PPP1R16A: variants seen among roughly 807,000 people sequenced by gnomAD.
PPP1R16A encodes the protein protein phosphatase 1 regulatory subunit 16A, also known as myosin phosphatase-targeting subunit 3.
Under a neutral mutation model 46.6 loss-of-function variants are expected in PPP1R16A, and 39 were observed. The observed-to-expected ratio is 0.84, with a 90% CI of 0.65 to 1.09. PPP1R16A has a LOEUF of 1.09. Ranked by LOEUF, PPP1R16A falls within the 50% of genes least tolerant of loss-of-function variation. PPP1R16A has a pLI of 0.00. For synonymous variants in PPP1R16A, 413 were observed against 321.5 expected (o/e 1.28, Z -3.04); for missense variants, 798 against 735.6 (o/e 1.08, Z -0.98).
intron 1 of PPP1R16A, 70 bp downstream of exon 1, chr8:144,478,197 A>C (rs1423593550): frequency 1.8e-5 from 7 of 390,438 alleles, no homozygotes; most frequent in African/African-American, 4.2e-5. Flanking sequence ...CAGGGAGAGC[A>C]GTGGCGGGCC....
At chr8:144,487,420 G>A (rs752353777) in intron 1 of PPP1R16A, among the ~76,000 whole-genome samples, 18 of 151,978 alleles carry the variant, frequency 1.2e-4, no homozygotes, top group Non-Finnish European at 1.0e-4. Flanking sequence ...CCCCCAGGCT[G>A]GAGTGCAGTG....
In PPP1R16A at chr8:144,501,546, G is replaced by T; in HGVS notation, c.1230G>T (p.Pro410=). The T allele has an allele frequency of 1.9e-6, 3 of 1,581,478 alleles. No homozygotes were observed. The highest frequency in any genetic ancestry group is 2.6e-6 in the Non-Finnish European group (3 of 1,164,238). Residue 410 remains proline, a synonymous_variant, in exon 12 of 12, where the codon CCG becomes CCT. Transcript: ENST00000435887. The part of the protein sequence containing the change: ...PEEDNPEVVR[P]HNGRVGGSPV... ...AGGACAACCCCGAAGTGGTCAGGCCGCACAATGGCCGAGTAGGGGGCTCCC... is the reference window on the plus strand; with the variant it reads ...AGGACAACCCCGAAGTGGTCAGGCCTCACAATGGCCGAGTAGGGGGCTCCC...
chr8:144,495,077 C>T (rs1025651972), intron 2 of PPP1R16A, among the ~76,000 whole-genome samples: 26 of 152,224 alleles, frequency 1.7e-4, no homozygotes, highest in African/African-American at 4.8e-4. Context: ...CCTGGAAAAG[C>T]TCTTTACTTG....
Position 144,502,004 on chromosome 8 carries a change from G to A in PPP1R16A, c.*101G>A. 4.0e-6 allele frequency: 5 copies of A among 1,240,732 alleles called. No homozygotes were observed. Among genetic ancestry groups the A allele is most frequent in the Non-Finnish European group, 5.4e-6 (5 of 921,810 alleles). 76.9% of individuals were successfully genotyped at this position (1,240,732 alleles called of 1,614,324 possible). A position where few individuals can be genotyped will look rare whatever the true frequency, so the allele number is the denominator to read the frequency against. On this transcript the variant is annotated 3_prime_UTR_variant, in exon 12 of 12. Transcript: ENST00000435887. ...CTGCGGGTGCAGCACGGAAACCCCGGCTTCTACTGTACAGGACACTGGCCC... is the reference window on the plus strand; with the variant it reads ...CTGCGGGTGCAGCACGGAAACCCCGACTTCTACTGTACAGGACACTGGCCC...
chr8:144,482,862 G>C lies in PPP1R16A; in HGVS notation c.-914+4735G>C, dbSNP rs560416330. ...CGGGTTTCACCATGTTGGCCAGGAT[G>C]GTCTTGAGCTCCTGACCTCATGGTC... On this transcript the variant is annotated intron_variant, in intron 1 of 11. Coordinates refer to ENST00000435887, the MANE Select transcript of PPP1R16A (RefSeq NM_001329443.2). Among the ~76,000 whole-genome samples the C allele has an allele frequency of 4.2e-4, 64 of 152,142 alleles. No individual in the cohort carries two copies. The South Asian group carries it at 5.8e-3, about 14-fold the overall frequency.
Position 144,502,063 on chromosome 8 carries a change from C to T in PPP1R16A, c.*160C>T. 4.5e-6 allele frequency: 3 copies of T among 673,272 alleles called. No homozygotes were observed. The highest frequency in any genetic ancestry group is 4.7e-6 in the Non-Finnish European group (2 of 427,146). The allele number at this position is 673,272 out of a possible 1,614,324, so 41.7% of individuals were successfully genotyped here. The stretch of plus-strand genomic sequence containing the variant: ...TCAGAAGACATGCCTGGAGGGATGT[C>T]TGGCTGCAAAGACTATTTTTATCCT... On this transcript the variant is annotated 3_prime_UTR_variant, in exon 12 of 12. Coordinates refer to ENST00000435887, the MANE Select transcript of PPP1R16A (RefSeq NM_001329443.2).
Position 144,500,506 on chromosome 8 carries a change from A to G in PPP1R16A, c.725A>G (p.Asn242Ser), listed in dbSNP as rs757062979. The change falls in exon 8 of 12, where the codon AAC becomes AGC. Residue 242 changes from asparagine (N) to serine (S), a missense_variant. Asn to Ser is a conservative substitution (Grantham distance 46). Coordinates refer to ENST00000435887, the MANE Select transcript of PPP1R16A (RefSeq NM_001329443.2). ...GATLLHVAAA[N>S]GFSEAAALLL... is the part of the protein sequence containing the mutation. ...CTGCAGCTGCACGTCGCAGCCGCCAACGGGTTCAGCGAGGCGGCTGCCCTG... is the reference window on the plus strand; with the variant it reads ...CTGCAGCTGCACGTCGCAGCCGCCAGCGGGTTCAGCGAGGCGGCTGCCCTG... 6 of 1,588,508 alleles carry G rather than the reference A, an allele frequency of 3.8e-6. 1 individual carries two copies. The South Asian group carries it at 5.6e-5, about 15-fold the overall frequency.
At position 144,500,312 on chromosome 8, in the gene PPP1R16A, T is replaced by G; in HGVS notation, c.626T>G (p.Leu209Arg). The change falls in exon 7 of 12, where the codon CTG becomes CGG. Residue 209 changes from leucine (L) to arginine (R), a missense_variant. Physicochemically the swap from Leu to Arg is moderately radical, Grantham distance 102. Coordinates refer to ENST00000435887, the MANE Select transcript of PPP1R16A (RefSeq NM_001329443.2). ...GAGGCCGCCCGGGCCGTGCCAGAAC[T>G]GCGCATGCTGGACGACATCCGGAGC... Reference protein sequence around the residue: ...SIEAARAVPELRMLDDIRSRL... With the variant: ...SIEAARAVPERRMLDDIRSRL... The G allele has an allele frequency of 6.5e-7, 1 of 1,541,696 alleles. No homozygotes were observed. Among genetic ancestry groups the G allele is most frequent in the South Asian group, 1.2e-5 (1 of 84,122 alleles).
chr8:144,497,615 C>T, intron 3 of PPP1R16A, 162 bp downstream of exon 3: 1 of 1,003,114 alleles, frequency 1.0e-6, no homozygotes, highest in Non-Finnish European at 1.5e-6. Flanking sequence ...CCAGGGTGCC[C>T]CCATCAGGCA....
intron 1 of PPP1R16A, among the ~76,000 whole-genome samples, chr8:144,480,370 G>A (rs1904538): frequency 2.0e-5 from 3 of 152,260 alleles, no homozygotes; most frequent in South Asian, 4.2e-4. Flanking sequence ...ACTGGAGTGC[G>A]GTTGCACAAT....
At chr8:144,482,937 C>A (rs531480000) in intron 1 of PPP1R16A, among the ~76,000 whole-genome samples, 2 of 152,148 alleles carry the variant, frequency 1.3e-5, no homozygotes, top group African/African-American at 4.8e-5. Context: ...TGAGCCACCG[C>A]GCCCGGCTTA....
intron 3 of PPP1R16A, chr8:144,497,768 G>A (rs769657638): frequency 3.9e-5 from 19 of 484,684 alleles, no homozygotes; most frequent in East Asian, 8.0e-5. Flanking sequence ...AACCTAGTGC[G>A]GGGCCCCACG....
Position 144,501,703 on chromosome 8 carries a change from C to A in PPP1R16A, c.1387C>A (p.Arg463=), listed in dbSNP as rs1267940389. The A allele has an allele frequency of 1.9e-6, 3 of 1,600,942 alleles. No homozygotes were observed. The African/African-American group carries it at 4.0e-5, about 22-fold the overall frequency. ...HHTLADLKRQ[R]AAAKLQRPPP... is the part of the protein sequence containing the mutation. The stretch of plus-strand genomic sequence containing the variant: ...CACCCTGGCTGACCTGAAGCGCCAG[C>A]GAGCTGCTGCCAAGCTGCAGCGACC... Residue 463 remains arginine (R), a synonymous_variant, in exon 12 of 12, where the codon CGA becomes AGA. Transcript: ENST00000435887.
At position 144,497,468 on chromosome 8, in the gene PPP1R16A, G is replaced by C; in HGVS notation, c.259+15G>C. Reference sequence around the variant, plus strand: ...CCTGGAAGAAGGTGAGTGTGGCTGAGCCCAGAGCAGCTCCCAGCAGACGGC... The same window carrying C: ...CCTGGAAGAAGGTGAGTGTGGCTGACCCCAGAGCAGCTCCCAGCAGACGGC... On this transcript the variant is annotated intron_variant, in intron 3 of 11. Transcript: ENST00000435887. 2 of 1,611,914 alleles carry C rather than the reference G, an allele frequency of 1.2e-6. No homozygotes were observed. Among genetic ancestry groups the C allele is most frequent in the Non-Finnish European group, 8.5e-7 (1 of 1,179,826 alleles).
Position 144,501,984 on chromosome 8 carries a change from G to A in PPP1R16A, c.*81G>A, listed in dbSNP as rs1826539895. 4.4e-6 allele frequency: 6 copies of A among 1,368,218 alleles called. No individual in the cohort carries two copies. Among genetic ancestry groups the A allele is most frequent in the South Asian group, 3.0e-5 (2 of 66,652 alleles). The allele number at this position is 1,368,218 out of a possible 1,614,324, so 84.8% of individuals were successfully genotyped here. ...CCACGGTGCGTGCCCTGGTGCTGCGGGTGCAGCACGGAAACCCCGGCTTCT... is the reference window on the plus strand; with the variant it reads ...CCACGGTGCGTGCCCTGGTGCTGCGAGTGCAGCACGGAAACCCCGGCTTCT... On this transcript the variant is annotated 3_prime_UTR_variant, in exon 12 of 12. Transcript: ENST00000435887.
Position 144,500,535 on chromosome 8 carries a change from C to G in PPP1R16A, c.754C>G (p.Leu252Val). The change falls in exon 8 of 12, where the codon CTG becomes GTG. Residue 252 changes from leucine (L) to valine (V), a missense_variant. Coordinates refer to ENST00000435887, the MANE Select transcript of PPP1R16A (RefSeq NM_001329443.2). ...NGFSEAAALL[L>V]EHRASLSAKD... ...GTTCAGCGAGGCGGCTGCCCTGCTG[C>G]TGGAACACCGAGCCAGCCTGAGCGC... 6.3e-7 allele frequency: 1 copy of G among 1,594,968 alleles called. No homozygotes were observed. The highest frequency in any genetic ancestry group is 8.5e-7 in the Non-Finnish European group (1 of 1,178,260).
intron 2 of PPP1R16A, among the ~76,000 whole-genome samples, chr8:144,492,803 C>A (rs976858082): frequency 6.6e-6 from 1 of 152,174 alleles, no homozygotes; most frequent in African/African-American, 2.4e-5. Flanking sequence ...CCTTCCCCTG[C>A]CCCTTTCCTC....
intron 2 of PPP1R16A, among the ~76,000 whole-genome samples, chr8:144,492,310 G>A (rs1290619102): frequency 6.6e-6 from 1 of 151,218 alleles, no homozygotes; most frequent in Non-Finnish European, 1.5e-5. Context: ...TGGCGTCCTA[G>A]AAATGGGGCT....
At chr8:144,491,143 G>C (rs576754481) in intron 2 of PPP1R16A, among the ~76,000 whole-genome samples, 1 of 152,124 alleles carries the variant, frequency 6.6e-6, no homozygotes. Flanking sequence ...CTGCACCCAC[G>C]GGCAAGATAC....
Sources: gnomAD v4.1 joint callset for allele counts (sites outside exome capture counted in the v4.1 genomes callset) on GRCh38, gnomAD v4.1.1 for gene constraint, MANE v1.5 for transcripts, NCBI Gene and HGNC (gene_info 2026-07-23, HGNC 2026-07-21) for gene names.